CSPG4: variants seen among roughly 807,000 people sequenced by gnomAD.
CSPG4 encodes chondroitin sulfate proteoglycan 4 (melanoma-associated).
A neutral mutation model predicts 139.3 loss-of-function variants in CSPG4; 74 were observed. The observed-to-expected ratio is 0.53, with a 90% CI of 0.44 to 0.64. CSPG4 has a LOEUF of 0.64. Among genes scored for constraint, CSPG4 ranks in the 30% least tolerant of loss-of-function variants. The pLI is 0.00. For synonymous variants in CSPG4, 1,234 were observed against 1,394.2 expected, an observed-to-expected ratio of 0.89 and a Z score of 2.56; for missense variants, 2,565 against 3,148.3, an observed-to-expected ratio of 0.81 and a Z score of 4.43.
chr15:75,686,632 C>T (rs1163945056), intron 3 of CSPG4, among the ~76,000 whole-genome samples: 3 of 152,358 alleles, frequency 2.0e-5, no homozygotes, highest in East Asian at 1.9e-4. Context: ...CCTCCTCCCG[C>T]GAGGCCTTCC....
In CSPG4 at chr15:75,685,452, C is replaced by T. The variant is rs777172877; in HGVS notation, c.4039G>A (p.Val1347Ile). 1.4e-5 allele frequency: 22 copies of T among 1,612,324 alleles called. No individual in the cohort carries two copies. The highest frequency in any genetic ancestry group is 6.7e-5 in the East Asian group (3 of 44,890). Residue 1347 changes from valine to isoleucine, a missense_variant, in exon 4 of 10, where the codon GTC (valine) becomes ATC (isoleucine). By Grantham distance (29) the Val-to-Ile change is conservative (BLOSUM62 3). Transcript: ENST00000308508. ...GGCAGCACCTCCAGCTCCACAAGGA[C>T]GCCCTCGAGGGGAGCACCCAGGCCT... ...ASGLGAPLEG[V>I]LVELEVLPAA...
chr15:75,675,489 G>T lies in CSPG4; in HGVS notation c.*61C>A. 1 of 1,408,064 alleles carries T rather than the reference G, an allele frequency of 7.1e-7. No homozygotes were observed. Among genetic ancestry groups the T allele is most frequent in the South Asian group, 2.0e-5 (1 of 49,042 alleles). 87.2% of individuals were successfully genotyped at this position (1,408,064 alleles called of 1,614,324 possible). ...GACAGCACCAGGCATGGAAGCAATG[G>T]GGCCCGGGACATGGGCAAGCCTGTC... On this transcript the variant is annotated 3_prime_UTR_variant, in exon 10 of 10. Coordinates refer to ENST00000308508, the MANE Select transcript of CSPG4 (RefSeq NM_001897.5).
intron 2 of CSPG4, among the ~76,000 whole-genome samples, chr15:75,691,355 T>C (rs1419281300): frequency 6.6e-6 from 1 of 152,214 alleles, no homozygotes; most frequent in Admixed American, 6.5e-5. Context: ...GGGACCCTGA[T>C]ATGAATCAGA....
chr15:75,676,995 G>A lies in CSPG4; in HGVS notation c.5524C>T (p.Arg1842Trp), dbSNP rs886930864. Residue 1842 changes from arginine (R) to tryptophan (W), a missense_variant, in exon 10 of 10, where the codon CGG becomes TGG. Transcript: ENST00000308508. ...PPQPQASVPL[R>W]LTRGSRAPIS... ...GGGGCACGAGAGCCTCGGGTGAGCC[G>A]GAGTGGGACAGAGGCCTGTGGCTGA... 11 of 1,465,850 alleles carry A rather than the reference G, an allele frequency of 7.5e-6. No homozygotes were observed. Among genetic ancestry groups the A allele is most frequent in the African/African-American group, 2.8e-5 (2 of 70,634 alleles). 90.8% of individuals were successfully genotyped at this position (1,465,850 alleles called of 1,614,324 possible). A position where few individuals can be genotyped will look rare whatever the true frequency, so the allele number is the denominator to read the frequency against.
intron 1 of CSPG4, among the ~76,000 whole-genome samples, chr15:75,694,585 C>T (rs975101767): frequency 6.6e-6 from 1 of 152,230 alleles, no homozygotes; most frequent in African/African-American, 2.4e-5. Flanking sequence ...CAGCTTCAGC[C>T]GTTGGAGGAG....
rs1190213146 is a variant in CSPG4, at chr15:75,675,147, C to T, written c.*403G>A. ...CCAGGAATAGCTTCCTCTGTCCCTT[C>T]CCTCCCCAGGGTACTTCCTTCTCCT... On this transcript the variant is annotated 3_prime_UTR_variant, in exon 10 of 10. Transcript: ENST00000308508. The T allele has an allele frequency of 3.2e-6, 1 of 308,072 alleles. No homozygotes were observed. The highest frequency in any genetic ancestry group is 2.1e-5 in the African/African-American group (1 of 46,782). 19.1% of individuals were successfully genotyped at this position (308,072 alleles called of 1,614,324 possible).
In CSPG4 at chr15:75,674,412, C is replaced by T. The variant is rs1467583042; in HGVS notation, c.*1138G>A. The T allele has an allele frequency of 3.3e-6, 1 of 305,790 alleles. No homozygotes were observed. Among genetic ancestry groups the T allele is most frequent in the Non-Finnish European group, 6.0e-6 (1 of 166,786 alleles). 18.9% of individuals were successfully genotyped at this position (305,790 alleles called of 1,614,324 possible). ...TCTACTGAACTGAAGGGGTTTGGTC[C>T]CATCACCCGAAGACTGGCCCACCTG... On this transcript the variant is annotated 3_prime_UTR_variant, in exon 10 of 10. Coordinates refer to ENST00000308508, the MANE Select transcript of CSPG4 (RefSeq NM_001897.5).
chr15:75,690,509 G>T lies in CSPG4; in HGVS notation c.556C>A (p.Pro186Thr). 1 of 1,609,762 alleles carries T rather than the reference G, an allele frequency of 6.2e-7. No homozygotes were observed. Reference sequence around the variant, plus strand: ...TCAGCACAGCCCTCATGCACATCGGGGGTCAGAGGCCGGAGGAGGCTGCGG... The same window carrying T: ...TCAGCACAGCCCTCATGCACATCGGTGGTCAGAGGCCGGAGGAGGCTGCGG... ...NGRSLLRPLT[P>T]DVHEGCAEEF... Residue 186 changes from proline (P) to threonine (T), a missense_variant, in exon 3 of 10, where the codon CCC (proline) becomes ACC (threonine). Transcript: ENST00000308508.
chr15:75,690,956 C>T lies in CSPG4; in HGVS notation c.253-144G>A, dbSNP rs527482307. 2.6e-3 allele frequency: 2,249 copies of T among 857,316 alleles called. 9 individuals carry two copies. Among genetic ancestry groups the T allele is most frequent in the Non-Finnish European group, 2.9e-3 (1,707 of 579,418 alleles). 53.1% of individuals were successfully genotyped at this position (857,316 alleles called of 1,614,324 possible). On this transcript the variant is annotated intron_variant, in intron 2 of 9. Transcript: ENST00000308508. ...TTGGGAGGCCAAGGCAGGCGGATCA[C>T]CTGAGGTTAGGAGTTTGAGACCAGC...
intron 8 of CSPG4, 64 bp from the exon 9 acceptor site, chr15:75,677,950 C>G (rs971377866): frequency 3.4e-6 from 5 of 1,469,036 alleles, no homozygotes; most frequent in Non-Finnish European, 4.6e-6. Flanking sequence ...ACACTGAGCA[C>G]TTTTGTCTCC....
intron 9 of CSPG4, 53 bp downstream of exon 9, chr15:75,677,650 G>C: frequency 6.5e-7 from 1 of 1,530,448 alleles, no homozygotes; most frequent in Non-Finnish European, 8.8e-7. Context: ...CCTCCTCCTG[G>C]GCCTCTCCCA....
chr15:75,686,873 G>A (rs1894066539), intron 3 of CSPG4, among the ~76,000 whole-genome samples: 1 of 152,234 alleles, frequency 6.6e-6, no homozygotes, highest in African/African-American at 2.4e-5. Context: ...GGGGACATGA[G>A]GGTCTGAGGA....
At position 75,676,914 on chromosome 15, in the gene CSPG4, C is replaced by CA. The variant is rs1893902135; in HGVS notation, c.5604dup (p.Glu1869Ter). On this transcript the variant is annotated frameshift_variant, in exon 10 of 10. Transcript: ENST00000308508. LOFTEE classifies it low-confidence loss of function (END_TRUNC). ...TGGGGTGCCCGCTGGACCTCGTACTCAATCTCCCCAGGAGCTGAGTCTGGG... is the reference window on the plus strand; with the variant it reads ...TGGGGTGCCCGCTGGACCTCGTACTCAAATCTCCCCAGGAGCTGAGTCTGGG... The CA allele has an allele frequency of 6.4e-7, 1 of 1,569,720 alleles. No homozygotes were observed. The highest frequency in any genetic ancestry group is 8.6e-7 in the Non-Finnish European group (1 of 1,158,342).
Position 75,689,219 on chromosome 15 carries a change from A to T in CSPG4, c.1846T>A (p.Phe616Ile), listed in dbSNP as rs1894119734. 8 of 1,609,328 alleles carry T rather than the reference A, an allele frequency of 5.0e-6. No individual in the cohort carries two copies. In the South Asian group the frequency reaches 5.5e-5, roughly 11 times the overall value. Residue 616 changes from phenylalanine (F) to isoleucine (I), a missense_variant, in exon 3 of 10, where the codon TTC (phenylalanine) becomes ATC (isoleucine). Phe to Ile is a conservative substitution (Grantham distance 21). Coordinates refer to ENST00000308508, the MANE Select transcript of CSPG4 (RefSeq NM_001897.5). Reference protein sequence around the residue: ...RDQPGEPATEFSCRELEAGSL... With the variant: ...RDQPGEPATEISCRELEAGSL... ...CCGGCCTCCAACTCCCGGCAGGAGA[A>T]CTCGGTCGCCGGCTCCCCAGGCTGG...
upstream of CSPG4, chr15:75,712,856 C>T: frequency 1.0e-5 from 10 of 1,002,122 alleles, no homozygotes; most frequent in Non-Finnish European, 1.4e-5. Context: ...CGCGGGCCGG[C>T]TCCGGGTGTC....
intron 1 of CSPG4, among the ~76,000 whole-genome samples, chr15:75,702,698 G>C (rs1311306844): frequency 6.6e-6 from 1 of 152,244 alleles, no homozygotes; most frequent in East Asian, 1.9e-4. Context: ...GGGAGGGCTC[G>C]AGGGACTGCC....
At position 75,706,118 on chromosome 15, in the gene CSPG4, G is replaced by A. The variant is rs369153717; in HGVS notation, c.88+6550C>T. 8.5e-5 allele frequency among the ~76,000 whole-genome samples: 13 copies of A among 152,312 alleles called. No homozygotes were observed. In the East Asian group the frequency reaches 2.5e-3, roughly 29 times the overall value. ...GAAGGGGCAGGGAGAAGCGGGTGTCGTGGGAATCAGTGTCCTGGTCCCACT... is the reference window on the plus strand; with the variant it reads ...GAAGGGGCAGGGAGAAGCGGGTGTCATGGGAATCAGTGTCCTGGTCCCACT... On this transcript the variant is annotated intron_variant, in intron 1 of 9. Transcript: ENST00000308508.
chr15:75,708,816 C>G (rs1328671733), intron 1 of CSPG4, among the ~76,000 whole-genome samples: 5 of 152,348 alleles, frequency 3.3e-5, no homozygotes, highest in South Asian at 4.1e-4. Flanking sequence ...TGCTTGAGCC[C>G]AGGAGTTCGA....
intron 2 of CSPG4, among the ~76,000 whole-genome samples, chr15:75,692,823 T>G (rs540812277): frequency 0.034 from 4,743 of 140,308 alleles, 1 homozygote; most frequent in African/African-American, 0.13. Flanking sequence ...AGTTCAGGGC[T>G]GTCAGAGCAC....
Sources: gnomAD v4.1 joint callset for allele counts (sites outside exome capture counted in the v4.1 genomes callset) on GRCh38, gnomAD v4.1.1 for gene constraint, MANE v1.5 for transcripts, NCBI Gene and HGNC (gene_info 2026-07-23, HGNC 2026-07-21) for gene names.